VPS37A: variants seen among roughly 807,000 people sequenced by gnomAD.
VPS37A encodes VPS37A subunit of ESCRT-I.
VPS37A carries 30 observed loss-of-function variants against 49.8 expected under a neutral mutation model. That is an observed-to-expected ratio of 0.60 (90% CI 0.45 to 0.82). The LOEUF is 0.82. Among genes scored for constraint, VPS37A ranks in the 40% least tolerant of loss-of-function variants. VPS37A has a pLI of 0.00. For synonymous variants in VPS37A, 195 were observed against 160.6 expected (o/e 1.21, Z -1.62); for missense variants, 593 against 464.4 (o/e 1.28, Z -2.55).
chr8:17,317,326 G>C, the VPS37A span, among the ~76,000 whole-genome samples: 2 of 152,172 alleles, frequency 1.3e-5, no homozygotes. Flanking sequence ...TAACATCTGC[G>C]AGTCCTTTGT....
At chr8:17,332,306 T>C in the VPS37A span, among the ~76,000 whole-genome samples, 1 of 152,330 alleles carries the variant, frequency 6.6e-6, no homozygotes, top group African/African-American at 2.4e-5. Flanking sequence ...TAAAGACACA[T>C]ATGTTCTTTG....
intron 1 of VPS37A, among the ~76,000 whole-genome samples, chr8:17,251,907 C>T (rs1479875436): frequency 6.6e-6 from 1 of 152,134 alleles, no homozygotes; most frequent in African/African-American, 2.4e-5. Flanking sequence ...AGCTGCTAAG[C>T]TTAACGTTTT....
chr8:17,274,902 T>A lies in VPS37A; in HGVS notation c.586T>A (p.Phe196Ile). The change falls in exon 5 of 12, where the codon TTT (phenylalanine) becomes ATT (isoleucine). Residue 196 changes from phenylalanine (F) to isoleucine (I), a missense_variant. Physicochemically the swap from Phe to Ile is conservative, Grantham distance 21. Coordinates refer to ENST00000324849, the MANE Select transcript of VPS37A (RefSeq NM_152415.3). Reference protein sequence around the residue: ...HTTAKPAAPSFGVLSNLPLPI... With the variant: ...HTTAKPAAPSIGVLSNLPLPI... ...CACAGCCAAGCCTGCCGCTCCTTCA[T>A]TTGGTGTCCTTTCAAATCTGCCATT... 1 of 1,614,176 alleles carries A rather than the reference T, an allele frequency of 6.2e-7. No individual in the cohort carries two copies. The highest frequency in any genetic ancestry group is 8.5e-7 in the Non-Finnish European group (1 of 1,180,020).
At chr8:17,249,111 A>G (rs760068095) in intron 1 of VPS37A, among the ~76,000 whole-genome samples, 1 of 152,210 alleles carries the variant, frequency 6.6e-6, no homozygotes, top group African/African-American at 2.4e-5. Flanking sequence ...ATGTAGTATT[A>G]TGTTAAATAT....
the VPS37A span, among the ~76,000 whole-genome samples, chr8:17,313,560 T>C: frequency 6.6e-6 from 1 of 152,238 alleles, no homozygotes; most frequent in Non-Finnish European, 1.5e-5. Flanking sequence ...TTACTAAACT[T>C]GATTCTATGG....
At chr8:17,317,434 T>C in the VPS37A span, among the ~76,000 whole-genome samples, 1 of 152,212 alleles carries the variant, frequency 6.6e-6, no homozygotes, top group East Asian at 1.9e-4. Context: ...GCAGTAACCA[T>C]GGGTCTCATT....
At chr8:17,256,070 A>G (rs1240805692) in intron 1 of VPS37A, among the ~76,000 whole-genome samples, 4 of 151,866 alleles carry the variant, frequency 2.6e-5, no homozygotes, top group East Asian at 3.9e-4. Context: ...TTGCTGAATC[A>G]TATGGCAGTT....
At chr8:17,304,473 G>T, downstream of VPS37A, 1 of 1,613,972 alleles carries the variant, frequency 6.2e-7, no homozygotes. Flanking sequence ...TAGTCGGCCC[G>T]ATTCTTCCAC....
the VPS37A span, chr8:17,326,250 G>C: frequency 3.3e-5 from 5 of 152,152 alleles, no homozygotes; most frequent in Non-Finnish European, 7.3e-5. Context: ...ATTTTGAGCT[G>C]AAACAGGTTT....
chr8:17,247,425 G>C (rs1258266378), intron 1 of VPS37A, 56 bp downstream of exon 1: 2 of 1,517,100 alleles, frequency 1.3e-6, no homozygotes, highest in East Asian at 2.5e-5. Context: ...GGGCGGGCTT[G>C]TCCTAACCAC....
At chr8:17,261,169 T>A (rs945426355) in intron 1 of VPS37A, among the ~76,000 whole-genome samples, 1 of 152,198 alleles carries the variant, frequency 6.6e-6, no homozygotes, top group African/African-American at 2.4e-5. Context: ...TTTCAGTCTT[T>A]TTTCTTCTTT....
downstream of VPS37A, chr8:17,304,259 G>T: frequency 9.1e-7 from 1 of 1,103,136 alleles, no homozygotes; most frequent in Non-Finnish European, 1.3e-6. Flanking sequence ...TCCCTCTGGT[G>T]TCTTTTGTGT....
chr8:17,331,271 C>G, the VPS37A span: 1 of 1,606,424 alleles, frequency 6.2e-7, no homozygotes, highest in Non-Finnish European at 8.5e-7. Context: ...CACGATTTGC[C>G]ATTGCATTAA....
chr8:17,251,634 C>A (rs1041053351), intron 1 of VPS37A, among the ~76,000 whole-genome samples: 3 of 152,144 alleles, frequency 2.0e-5, no homozygotes, highest in African/African-American at 7.2e-5. Flanking sequence ...CCATTCCAGA[C>A]AGTTAGTTTC....
rs577794448 is a variant in VPS37A, at chr8:17,280,115, C to T, written c.801C>T (p.Thr267=). 48 of 1,612,426 alleles carry T rather than the reference C, an allele frequency of 3.0e-5. No individual in the cohort carries two copies. Among genetic ancestry groups the T allele is most frequent in the Non-Finnish European group, 3.6e-5 (43 of 1,179,198 alleles). Residue 267 remains threonine, a synonymous_variant, in exon 7 of 12, where the codon ACC becomes ACT. Coordinates refer to ENST00000324849, the MANE Select transcript of VPS37A (RefSeq NM_152415.3). ...LTLPQLKQII[T]DKDDLVKSIE... is the part of the protein sequence containing the mutation. ...TGCCTCAACTAAAACAAATTATTAC[C>T]GACAAAGATGACTTAGTAAAAAGTA...
intron 9 of VPS37A, among the ~76,000 whole-genome samples, chr8:17,283,769 G>T (rs987222048): frequency 6.6e-6 from 1 of 152,092 alleles, no homozygotes; most frequent in Admixed American, 6.5e-5. Flanking sequence ...CTTGACATGA[G>T]GAAATATTAA....
downstream of VPS37A, among the ~76,000 whole-genome samples, chr8:17,302,764 G>A (rs1394489390): frequency 8.1e-6 from 1 of 123,442 alleles, no homozygotes; most frequent in Non-Finnish European, 1.6e-5. Flanking sequence ...CCAAACCGAA[G>A]TGCAGTGGTG....
intron 1 of VPS37A, among the ~76,000 whole-genome samples, chr8:17,261,887 G>T (rs907337888): frequency 6.6e-6 from 1 of 152,110 alleles, no homozygotes; most frequent in African/African-American, 2.4e-5. Flanking sequence ...CAGTTTCCAG[G>T]GTTGAGGATG....
intron 11 of VPS37A, among the ~76,000 whole-genome samples, chr8:17,287,720 T>C (rs1815745357): frequency 6.6e-6 from 1 of 152,064 alleles, no homozygotes; most frequent in African/African-American, 2.4e-5. Context: ...CTTCACGTAT[T>C]CCTGATTATA....
Sources: allele counts gnomAD v4.1 joint callset (sites outside exome capture counted in the v4.1 genomes callset), GRCh38; gene constraint gnomAD v4.1.1; transcripts MANE v1.5; gene names NCBI Gene and HGNC (gene_info 2026-07-23, HGNC 2026-07-21).